The following TERF1 variants were observed in gnomAD, a reference collection of about 807,000 sequenced individuals.
TERF1 encodes telomeric repeat-binding factor 1.
In TERF1, 20 loss-of-function variants were observed where a neutral mutation model predicts 55.1. That is an observed-to-expected ratio of 0.36 (90% confidence interval 0.26 to 0.53). The LOEUF (loss-of-function observed/expected upper bound fraction) is 0.53, where lower values mean the gene tolerates loss of function less well. TERF1 is among the 20% of genes least tolerant of loss of function. The pLI is 0.91. For missense variants in TERF1, 439 were observed against 535.7 expected (o/e 0.82, Z 1.78); for synonymous variants, 168 against 181.2 (o/e 0.93, Z 0.59).
chr8:73,024,507 A>T (rs1412016452), intron 4 of TERF1, among the ~76,000 whole-genome samples: 1 of 152,182 alleles, frequency 6.6e-6, no homozygotes, highest in Non-Finnish European at 1.5e-5. Flanking sequence ...GAATACAATC[A>T]GATTATGGTA....
rs761898094 is a variant in TERF1, at chr8:73,009,068, A to G, written c.182A>G (p.Glu61Gly). 55 of 1,609,306 alleles carry G rather than the reference A, an allele frequency of 3.4e-5. No homozygotes were observed. The highest frequency in any genetic ancestry group is 2.2e-4 in the Admixed American group (13 of 59,628). ...VGAPEEEEEE[E>G]EDAGLVAEAE... ...GCCCCCGAGGAGGAGGAGGAGGAGGAGGAGGACGCGGGCCTGGTGGCCGAG... is the reference window on the plus strand; with the variant it reads ...GCCCCCGAGGAGGAGGAGGAGGAGGGGGAGGACGCGGGCCTGGTGGCCGAG... Residue 61 changes from glutamate to glycine, a missense_variant, in exon 1 of 10, where the codon GAG becomes GGG. By Grantham distance (98) the Glu-to-Gly change is moderately conservative. Around this residue, in one of 4 missense-constraint regions of TERF1, gnomAD observed 179 missense variants for 152.6 expected, o/e 1.17. Transcript: ENST00000276603.
In TERF1 at chr8:73,014,223, G is replaced by T. The variant is rs55877802; in HGVS notation, c.415+233G>T. On this transcript the variant is annotated intron_variant, in intron 2 of 9. Transcript: ENST00000276603. Reference sequence around the variant, plus strand: ...GGTTCTCAAACTTTAGCCTGCTCCAGAATTACTTAAAGGGCTTATTAAAAA... The same window carrying T: ...GGTTCTCAAACTTTAGCCTGCTCCATAATTACTTAAAGGGCTTATTAAAAA... Among the ~76,000 whole-genome samples, 390 of 110,404 alleles carry T rather than the reference G, an allele frequency of 3.5e-3. 3 individuals are homozygous for T. Among genetic ancestry groups the T allele is most frequent in the African/African-American group, 0.014 (367 of 26,426 alleles). The allele number at this position is 110,404 out of a possible 152,430, so 72.4% of individuals were successfully genotyped here.
intron 2 of TERF1, among the ~76,000 whole-genome samples, chr8:73,020,463 A>G (rs1268597569): frequency 6.6e-6 from 1 of 152,156 alleles, no homozygotes; most frequent in African/African-American, 2.4e-5. Context: ...TGTAAAGAAA[A>G]TCTTCAAATG....
chr8:73,028,015 T>A (rs1241010390), intron 6 of TERF1, among the ~76,000 whole-genome samples: 1 of 152,210 alleles, frequency 6.6e-6, no homozygotes, highest in Non-Finnish European at 1.5e-5. Flanking sequence ...ATTGATGTAC[T>A]TTTTTCTAAA....
chr8:73,036,056 C>T (rs1021520988), intron 8 of TERF1, among the ~76,000 whole-genome samples: 1 of 152,188 alleles, frequency 6.6e-6, no homozygotes, highest in Non-Finnish European at 1.5e-5. Flanking sequence ...TTCAGATTTC[C>T]CTACCCCAAG....
intron 4 of TERF1, among the ~76,000 whole-genome samples, chr8:73,023,975 A>G (rs1391536086): frequency 6.6e-6 from 1 of 152,186 alleles, no homozygotes; most frequent in Non-Finnish European, 1.5e-5. Flanking sequence ...TTAACTGCAT[A>G]TTTTAAAAGC....
At position 73,033,641 on chromosome 8, in the gene TERF1, C is replaced by G. The variant is rs930546666; in HGVS notation, c.1039+1508C>G. Among the ~76,000 whole-genome samples the G allele has an allele frequency of 2.6e-5, 4 of 152,086 alleles. No homozygotes were observed. In the East Asian group the frequency reaches 7.8e-4, roughly 30 times the overall value. On this transcript the variant is annotated intron_variant, in intron 8 of 9. Coordinates refer to ENST00000276603, the MANE Select transcript of TERF1 (RefSeq NM_017489.3). The stretch of plus-strand genomic sequence containing the variant: ...GCCAGCTACTCAGGAGGCTGAGGCA[C>G]GAGAATCCAGCTTGAACCTAGGAGG...
intron 8 of TERF1, among the ~76,000 whole-genome samples, chr8:73,036,377 T>C (rs556710185): frequency 3.3e-5 from 5 of 152,328 alleles, no homozygotes; most frequent in Non-Finnish European, 7.3e-5. Context: ...GTGGACTACC[T>C]GTCTTAACAC....
In TERF1 at chr8:73,017,647, C is replaced by G. The variant is rs1808568215; in HGVS notation, c.416-3037C>G. Among the ~76,000 whole-genome samples, 3 of 151,882 alleles carry G rather than the reference C, an allele frequency of 2.0e-5. No individual in the cohort carries two copies. In the South Asian group the frequency reaches 6.2e-4, roughly 32 times the overall value. On this transcript the variant is annotated intron_variant, in intron 2 of 9. Coordinates refer to ENST00000276603, the MANE Select transcript of TERF1 (RefSeq NM_017489.3). ...GTTAATACCATGTTCCTCAAATACA[C>G]TAGACTCTGCTTGAGAATTTAATCT...
At chr8:73,016,885 T>C (rs548426678) in intron 2 of TERF1, among the ~76,000 whole-genome samples, 20 of 152,322 alleles carry the variant, frequency 1.3e-4, no homozygotes, top group South Asian at 6.2e-4. Flanking sequence ...TGGAGTGCAC[T>C]GGATCCTCAG....
intron 8 of TERF1, among the ~76,000 whole-genome samples, chr8:73,036,738 A>T (rs1809527801): frequency 6.7e-6 from 1 of 149,928 alleles, no homozygotes; most frequent in Non-Finnish European, 1.5e-5. Context: ...TAACTAAAAC[A>T]ATGTAAATGA....
At chr8:73,031,503 G>T (rs1270681234) in intron 7 of TERF1, 1 of 152,138 alleles carries the variant, frequency 6.6e-6, no homozygotes, top group African/African-American at 2.4e-5. Context: ...ATCTTAGTTT[G>T]CTCCTTCATA....
At chr8:73,021,020 T>C (rs986393875) in intron 3 of TERF1, among the ~76,000 whole-genome samples, 1 of 152,042 alleles carries the variant, frequency 6.6e-6, no homozygotes, top group Non-Finnish European at 1.5e-5. Context: ...TTGTGGAAAA[T>C]TTAAAAACCA....
rs56202846 is a variant in TERF1 at position 73,044,509 on chromosome 8, T to C, written c.1144-1452T>C. Among the ~76,000 whole-genome samples the C allele has an allele frequency of 6.9e-3, 1,057 of 152,310 alleles. 8 individuals are homozygous for C. Among genetic ancestry groups the C allele is most frequent in the African/African-American group, 0.023 (972 of 41,578 alleles). ...TCTTTCTAATATTGCATTAGACAAT[T>C]GAACTGGATTTTTTTTTCTTCGATT... is the stretch of plus-strand genomic sequence containing the variant. On this transcript the variant is annotated intron_variant, in intron 9 of 9. Transcript: ENST00000276603.
intron 2 of TERF1, 74 bp downstream of exon 2, chr8:73,014,064 A>G: frequency 7.6e-7 from 1 of 1,312,620 alleles, no homozygotes; most frequent in South Asian, 1.2e-5. Flanking sequence ...GAAGAAACAG[A>G]CGTTTTTGGG....
At chr8:73,018,168 C>G (rs1363416043) in intron 2 of TERF1, among the ~76,000 whole-genome samples, 1 of 151,366 alleles carries the variant, frequency 6.6e-6, no homozygotes, top group African/African-American at 2.4e-5. Flanking sequence ...AGGTCAGGAA[C>G]TTTTTTTTTC....
At chr8:73,034,853 G>A (rs947105054) in intron 8 of TERF1, among the ~76,000 whole-genome samples, 3 of 151,792 alleles carry the variant, frequency 2.0e-5, no homozygotes, top group African/African-American at 7.3e-5. Flanking sequence ...AATGCCTTTG[G>A]TTACACAGTG....
rs752683283 is a variant in TERF1, at chr8:73,024,957, A to G, written c.760A>G (p.Thr254Ala). The change falls in exon 5 of 10, where the codon ACC becomes GCC. Residue 254 changes from threonine (T) to alanine (A), a missense_variant. By Grantham distance (58) the Thr-to-Ala change is moderately conservative. Around this residue, in one of 4 missense-constraint regions of TERF1, gnomAD observed 140 missense variants for 158.6 expected, o/e 0.88. Transcript: ENST00000276603. ...TTATGTGCTAAGTGAAAAATCATCA[A>G]CCTTTCTAATGAAGGTATACATATT... Reference protein sequence around the residue: ...VNYVLSEKSSTFLMKAAAKVV... With the variant: ...VNYVLSEKSSAFLMKAAAKVV... The G allele has an allele frequency of 9.6e-6, 15 of 1,566,378 alleles. No individual in the cohort carries two copies. The highest frequency in any genetic ancestry group is 2.3e-5 in the East Asian group (1 of 44,292).
intron 9 of TERF1, among the ~76,000 whole-genome samples, chr8:73,041,422 G>A (rs1341276400): frequency 2.0e-5 from 3 of 152,130 alleles, no homozygotes; most frequent in Non-Finnish European, 2.9e-5. Context: ...AAGGTAAGGG[G>A]AGGTGAAGCG....
Sources: allele counts gnomAD v4.1 joint callset (sites outside exome capture counted in the v4.1 genomes callset), GRCh38; gene constraint gnomAD v4.1.1; regional missense constraint gnomAD v4.1.1; transcripts MANE v1.5; gene names NCBI Gene and HGNC (gene_info 2026-07-23, HGNC 2026-07-21).